Variants in EPS8 observed in about 807,000 individuals in gnomAD.
EPS8 encodes the protein EGFR pathway substrate 8, signaling adaptor, also known as epidermal growth factor receptor kinase substrate 8.
EPS8 carries 42 observed loss-of-function variants against 103.8 expected under a neutral mutation model. The observed-to-expected ratio is 0.40, with a 90% CI of 0.32 to 0.52. The LOEUF (loss-of-function observed/expected upper bound fraction) is 0.52. Ranked by LOEUF, EPS8 falls within the 20% of genes least tolerant of loss-of-function variation. EPS8 has a pLI of 0.40. For synonymous variants in EPS8, 344 were observed against 344.6 expected (o/e 1.00, Z 0.02); for missense variants, 969 against 1,005.1 (o/e 0.96, Z 0.49).
rs1946747721 is a variant in EPS8, at chr12:15,734,464, G to A, written c.-21-51492C>T. 6.6e-6 allele frequency among the ~76,000 whole-genome samples: 1 copy of A among 152,118 alleles called. No individual in the cohort carries two copies. The highest frequency in any genetic ancestry group is 1.5e-5 in the Non-Finnish European group (1 of 68,018). ...AATCCCAGCACTTTGGGAGGCTGAG[G>A]CGGGTGGATCACGAGGTCAGGAGAT... is the stretch of plus-strand genomic sequence containing the variant. On this transcript the variant is annotated intron_variant, in intron 1 of 20. Transcript: ENST00000281172. This position sits in a 1 kb window ranked among gnomAD's most constrained non-coding sequence, Gnocchi z 4.1.
At chr12:15,743,161 A>T (rs182806711) in intron 1 of EPS8, among the ~76,000 whole-genome samples, 3 of 152,328 alleles carry the variant, frequency 2.0e-5, no homozygotes, top group African/African-American at 7.2e-5. Context: ...TCCCATTCAC[A>T]ATTGCTTCAA....
At chr12:15,691,883 G>A (rs1245681467) in intron 1 of EPS8, among the ~76,000 whole-genome samples, 4 of 151,680 alleles carry the variant, frequency 2.6e-5, no homozygotes, top group South Asian at 2.1e-4. Context: ...TGTCCCCCTC[G>A]TTAATTTTAT....
intron 1 of EPS8, among the ~76,000 whole-genome samples, chr12:15,786,738 C>G (rs1385363554): frequency 1.3e-5 from 2 of 152,042 alleles, no homozygotes; most frequent in Non-Finnish European, 2.9e-5. Context: ...ACTGAAGACC[C>G]TTAAACTTTC....
intron 1 of EPS8, among the ~76,000 whole-genome samples, chr12:15,723,484 A>G (rs1193886893): frequency 1.3e-5 from 2 of 152,160 alleles, no homozygotes; most frequent in Non-Finnish European, 2.9e-5. Context: ...GTTAGTCATC[A>G]GCGTGGATTT....
chr12:15,765,783 T>C (rs1216709432), intron 1 of EPS8, among the ~76,000 whole-genome samples: 4 of 151,594 alleles, frequency 2.6e-5, no homozygotes, highest in Non-Finnish European at 5.9e-5. Flanking sequence ...TTGACACATA[T>C]CTACTTTTGG....
chr12:15,718,851 C>A (rs988234670), intron 1 of EPS8, among the ~76,000 whole-genome samples: 1 of 151,908 alleles, frequency 6.6e-6, no homozygotes, highest in South Asian at 2.1e-4. Flanking sequence ...TGAGTGCTTC[C>A]GGGTTCTTAA....
At chr12:15,783,352 G>T (rs1436252170) in intron 1 of EPS8, among the ~76,000 whole-genome samples, 2 of 152,258 alleles carry the variant, frequency 1.3e-5, no homozygotes, top group Non-Finnish European at 1.5e-5. Flanking sequence ...AAGGCTTCCA[G>T]TCAACAGAAG....
rs755114869 is a variant in EPS8 at position 15,621,395 on chromosome 12, C to T, written c.2391G>A (p.Met797Ile). The change falls in exon 21 of 21, where the codon ATG (methionine) becomes ATA (isoleucine). Residue 797 changes from methionine to isoleucine, a missense_variant. By Grantham distance (10) the Met-to-Ile change is conservative. Coordinates refer to ENST00000281172, the MANE Select transcript of EPS8 (RefSeq NM_004447.6). Reference protein sequence around the residue: ...SSGSSELQEIMRRRQEKISAA... With the variant: ...SSGSSELQEIIRRRQEKISAA... The stretch of plus-strand genomic sequence containing the variant: ...CACTGATTTTTTCCTGTCGTCTTCT[C>T]ATAATTTCTTGTAACTCGGAGCTGC... 3.1e-6 allele frequency: 5 copies of T among 1,604,674 alleles called. No individual in the cohort carries two copies. The highest frequency in any genetic ancestry group is 4.3e-6 in the Non-Finnish European group (5 of 1,176,254).
intron 8 of EPS8, among the ~76,000 whole-genome samples, chr12:15,663,944 A>AAAAAATAAT (rs1555112203): frequency 4.7e-5 from 4 of 85,974 alleles, no homozygotes; most frequent in African/African-American, 1.8e-4. Flanking sequence ...AAAAAAAAAA[A>AAAAAATAAT]AATAATATAT....
Position 15,771,554 on chromosome 12 carries a change from G to T in EPS8, c.-22+17607C>A, listed in dbSNP as rs1947154507. On this transcript the variant is annotated intron_variant, in intron 1 of 20. Coordinates refer to ENST00000281172, the MANE Select transcript of EPS8 (RefSeq NM_004447.6). The surrounding 1 kb of genome is among the most constrained non-coding windows in gnomAD (Gnocchi z 4.6). Reference sequence around the variant, plus strand: ...GAAAAACTGAACAGAAGGGGCAAAGGCGAGGGTTAACTTTAATGTGAAAGC... The same window carrying T: ...GAAAAACTGAACAGAAGGGGCAAAGTCGAGGGTTAACTTTAATGTGAAAGC... Among the ~76,000 whole-genome samples, 1 of 152,080 alleles carries T rather than the reference G, an allele frequency of 6.6e-6. No homozygotes were observed. The highest frequency in any genetic ancestry group is 2.4e-5 in the African/African-American group (1 of 41,398).
intron 12 of EPS8, among the ~76,000 whole-genome samples, chr12:15,656,568 G>C (rs1178056500): frequency 6.6e-6 from 1 of 152,082 alleles, no homozygotes; most frequent in Non-Finnish European, 1.5e-5. Context: ...CCTGGGGAAA[G>C]AAGGATGAGA....
intron 14 of EPS8, among the ~76,000 whole-genome samples, chr12:15,649,008 A>C (rs1335739661): frequency 6.6e-6 from 1 of 152,160 alleles, no homozygotes; most frequent in Non-Finnish European, 1.5e-5. Context: ...TTGCTTTTTA[A>C]GTCACAATTA....
chr12:15,726,346 G>A (rs945355639), intron 1 of EPS8, among the ~76,000 whole-genome samples: 6 of 152,102 alleles, frequency 3.9e-5, no homozygotes, highest in African/African-American at 1.4e-4. Flanking sequence ...TCATCTGTGG[G>A]ATATAAAATT....
At position 15,706,046 on chromosome 12, in the gene EPS8, A is replaced by C. The variant is rs954545115; in HGVS notation, c.-21-23074T>G. ...TTTAACTCAAAGAAGGCTAACATTC[A>C]AGAATGACCCTGAATCTATTTTCTT... is the stretch of plus-strand genomic sequence containing the variant. On this transcript the variant is annotated intron_variant, in intron 1 of 20. Coordinates refer to ENST00000281172, the MANE Select transcript of EPS8 (RefSeq NM_004447.6). The surrounding 1 kb of genome is among the most constrained non-coding windows in gnomAD (Gnocchi z 5.2). Among the ~76,000 whole-genome samples the C allele has an allele frequency of 3.3e-5, 5 of 152,168 alleles. No homozygotes were observed. The highest frequency in any genetic ancestry group is 1.2e-4 in the African/African-American group (5 of 41,432).
intron 3 of EPS8, chr12:15,672,339 C>A: frequency 2.5e-6 from 1 of 394,636 alleles, no homozygotes; most frequent in Non-Finnish European, 4.5e-6. Flanking sequence ...AGATTAAAAT[C>A]TCCATGTCCT....
At chr12:15,765,542 A>G (rs998621944) in intron 1 of EPS8, among the ~76,000 whole-genome samples, 2 of 152,172 alleles carry the variant, frequency 1.3e-5, no homozygotes, top group South Asian at 2.1e-4. Flanking sequence ...ACCCTTCAGT[A>G]GCTTTCAGTA....
intron 1 of EPS8, among the ~76,000 whole-genome samples, chr12:15,705,758 A>C (rs1254443367): frequency 6.6e-6 from 1 of 152,196 alleles, no homozygotes; most frequent in Non-Finnish European, 1.5e-5. Flanking sequence ...AAATGAGCCC[A>C]GTGACATTGT....
At chr12:15,746,642 T>C (rs1946878228) in intron 1 of EPS8, among the ~76,000 whole-genome samples, 1 of 152,202 alleles carries the variant, frequency 6.6e-6, no homozygotes, top group Non-Finnish European at 1.5e-5. Context: ...AACATTAACT[T>C]ATTAATCAAG....
intron 15 of EPS8, among the ~76,000 whole-genome samples, chr12:15,642,782 T>C (rs1268209267): frequency 6.6e-6 from 1 of 152,136 alleles, no homozygotes; most frequent in Non-Finnish European, 1.5e-5. Flanking sequence ...TCTACCAAGT[T>C]CTCTGGAATG....
Sources: allele counts gnomAD v4.1 joint callset (sites outside exome capture counted in the v4.1 genomes callset), GRCh38; gene constraint gnomAD v4.1.1; non-coding constraint Gnocchi (gnomAD v3.1); transcripts MANE v1.5; gene names NCBI Gene and HGNC (gene_info 2026-07-23, HGNC 2026-07-21).